The following TBC1D16 variants were observed in gnomAD, a reference collection of about 807,000 sequenced individuals.
The protein encoded by TBC1D16 is CTD-2529O21.1.
In TBC1D16, 58 loss-of-function variants were observed where a neutral mutation model predicts 74.7. The observed-to-expected ratio is 0.78, with a 90% confidence interval of 0.63 to 0.97. The LOEUF is 0.97. TBC1D16 is among the 50% of genes least tolerant of loss of function. TBC1D16 has a pLI of 0.00. For synonymous variants in TBC1D16, 493 were observed against 474.7 expected (o/e 1.04, Z -0.50); for missense variants, 1,014 against 1,079.5 (o/e 0.94, Z 0.85).
chr17:79,960,779 C>CAAAAAAAA lies in TBC1D16; in HGVS notation c.780-7969_780-7962dup, dbSNP rs746450905. On this transcript the variant is annotated intron_variant, in intron 3 of 11. Transcript: ENST00000310924. ...CAAAAAAACCCAAAAAACAAAAACCCAAAAAAAAAAAAAAAAAAAAAAAAA... is the reference window on the plus strand; with the variant it reads ...CAAAAAAACCCAAAAAACAAAAACCCAAAAAAAAAAAAAAAAAAAAAAAAAAAAAAAAA... Among the ~76,000 whole-genome samples, 272 of 33,922 alleles carry CAAAAAAAA rather than the reference C, an allele frequency of 8.0e-3. 51 individuals carry two copies. The highest frequency in any genetic ancestry group is 0.011 in the Non-Finnish European group (195 of 18,128). 22.3% of individuals were successfully genotyped at this position (33,922 alleles called of 152,430 possible).
At chr17:80,005,347 T>C (rs2035635274) in intron 3 of TBC1D16, among the ~76,000 whole-genome samples, 1 of 152,154 alleles carries the variant, frequency 6.6e-6, no homozygotes, top group African/African-American at 2.4e-5. Context: ...CGGGGCAGGG[T>C]CAGTGGACAC....
intron 1 of TBC1D16, among the ~76,000 whole-genome samples, chr17:80,025,094 C>CCAT (rs1568649840): frequency 0.89 from 66,285 of 74,888 alleles, 30,740 homozygotes; most frequent in Admixed American, 0.92. Flanking sequence ...ATGACACACA[C>CCAT]ACACCATATA....
Position 79,951,551 on chromosome 17 carries a change from T to C in TBC1D16, c.988A>G (p.Ser330Gly). The C allele has an allele frequency of 6.2e-7, 1 of 1,613,692 alleles. No individual in the cohort carries two copies. Among genetic ancestry groups the C allele is most frequent in the Non-Finnish European group, 8.5e-7 (1 of 1,179,888 alleles). The change falls in exon 5 of 12, where the codon AGC (serine) becomes GGC (glycine). Residue 330 changes from serine (S) to glycine (G), a missense_variant. Coordinates refer to ENST00000310924, the MANE Select transcript of TBC1D16 (RefSeq NM_019020.4). ...TGGAAGTGGAAAACCTTGTACTGGC[T>C]CTCTCGGCTGGCAACGACCAGCTGG... is the stretch of plus-strand genomic sequence containing the variant. ...SGQLVVASRESQYKVFHFHHG... is the reference protein window; with the variant it reads ...SGQLVVASREGQYKVFHFHHG...
At chr17:80,025,518 G>A (rs2036547112) in intron 1 of TBC1D16, among the ~76,000 whole-genome samples, 1 of 149,740 alleles carries the variant, frequency 6.7e-6, no homozygotes, top group Non-Finnish European at 1.5e-5. Flanking sequence ...CCCCCGGAGA[G>A]CCCTGGAGAG....
intron 1 of TBC1D16, among the ~76,000 whole-genome samples, chr17:80,015,085 A>G (rs184684857): frequency 1.5e-4 from 23 of 152,310 alleles, no homozygotes; most frequent in Admixed American, 1.4e-3. Flanking sequence ...ACACACATGG[A>G]GCTCACAAAC....
rs191867103 is a variant in TBC1D16 at position 79,972,262 on chromosome 17, C to T, written c.780-19444G>A. Among the ~76,000 whole-genome samples the T allele has an allele frequency of 5.9e-5, 9 of 152,272 alleles. No individual in the cohort carries two copies. In the South Asian group the frequency reaches 1.4e-3, roughly 25 times the overall value. On this transcript the variant is annotated intron_variant, in intron 3 of 11. Transcript: ENST00000310924. ...CTCAATCTTGGCTCACTGCAACCTCCGCCTCCCGGATTCAAGCGATTCTCC... is the reference window on the plus strand; with the variant it reads ...CTCAATCTTGGCTCACTGCAACCTCTGCCTCCCGGATTCAAGCGATTCTCC...
intron 5 of TBC1D16, among the ~76,000 whole-genome samples, chr17:79,951,210 T>C (rs1321213537): frequency 2.0e-5 from 3 of 152,234 alleles, no homozygotes; most frequent in Non-Finnish European, 4.4e-5. Flanking sequence ...GAGCAAAATA[T>C]GGCAGGAAGT....
At position 79,940,011 on chromosome 17, in the gene TBC1D16, A is replaced by G. The variant is rs1161626198; in HGVS notation, c.*848T>C. 4 of 152,136 alleles carry G rather than the reference A, an allele frequency of 2.6e-5. No individual in the cohort carries two copies. The highest frequency in any genetic ancestry group is 7.2e-5 in the African/African-American group (3 of 41,412). The allele number at this position is 152,136 out of a possible 1,614,324, so 9.4% of individuals were successfully genotyped here. A position where few individuals can be genotyped will look rare whatever the true frequency, so the allele number is the denominator to read the frequency against. On this transcript the variant is annotated 3_prime_UTR_variant, in exon 12 of 12. Transcript: ENST00000310924. The surrounding 1 kb of genome is among the most constrained non-coding windows in gnomAD (Gnocchi z 5.4). The stretch of plus-strand genomic sequence containing the variant: ...CATGCACGCAGGGACACACGCACAC[A>G]TCGACCCATTCAAGCCCCAGCTGGT...
At chr17:79,995,882 A>G (rs140728686) in intron 3 of TBC1D16, among the ~76,000 whole-genome samples, 133 of 152,354 alleles carry the variant, frequency 8.7e-4, no homozygotes, top group African/African-American at 3.0e-3. Flanking sequence ...GGCACAACTC[A>G]TAACCTGGAC....
At chr17:79,999,495 G>A (rs1194949459) in intron 3 of TBC1D16, among the ~76,000 whole-genome samples, 1 of 138,944 alleles carries the variant, frequency 7.2e-6, no homozygotes, top group East Asian at 2.3e-4. Flanking sequence ...AGGGATCAAA[G>A]ATCACAAATA....
chr17:79,951,376 C>T, intron 5 of TBC1D16, 74 bp downstream of exon 5: 1 of 1,558,650 alleles, frequency 6.4e-7, no homozygotes, highest in African/African-American at 1.4e-5. Flanking sequence ...ACACAGGACC[C>T]AGGAGGGAGA....
rs543506046 is a variant in TBC1D16, at chr17:79,981,732, G to C, written c.779+28428C>G. 6.6e-6 allele frequency among the ~76,000 whole-genome samples: 1 copy of C among 152,312 alleles called. No individual in the cohort carries two copies. The highest frequency in any genetic ancestry group is 1.9e-4 in the East Asian group (1 of 5,180). On this transcript the variant is annotated intron_variant, in intron 3 of 11. Transcript: ENST00000310924. This position sits in a 1 kb window ranked among gnomAD's most constrained non-coding sequence, Gnocchi z 6.9. The stretch of plus-strand genomic sequence containing the variant: ...GCGCCACCCTCGGAGCGGCTCCCTC[G>C]GCTCTTCTGTAATCTCAGCAAGAAC...
Position 79,971,366 on chromosome 17 carries a change from T to C in TBC1D16, c.780-18548A>G, listed in dbSNP as rs1035844564. Among the ~76,000 whole-genome samples, 11 of 152,178 alleles carry C rather than the reference T, an allele frequency of 7.2e-5. No homozygotes were observed. Among genetic ancestry groups the C allele is most frequent in the Non-Finnish European group, 1.2e-4 (8 of 68,026 alleles). On this transcript the variant is annotated intron_variant, in intron 3 of 11. Transcript: ENST00000310924. The surrounding 1 kb of genome is among the most constrained non-coding windows in gnomAD (Gnocchi z 4.6). Reference sequence around the variant, plus strand: ...TAAGTTGCTTAACATTTGCAAGTGGTAAATAAATTCACGTTGTGGTTAAAA... The same window carrying C: ...TAAGTTGCTTAACATTTGCAAGTGGCAAATAAATTCACGTTGTGGTTAAAA...
intron 3 of TBC1D16, among the ~76,000 whole-genome samples, chr17:79,969,463 T>TA (rs563407572): frequency 6.6e-6 from 1 of 151,980 alleles, no homozygotes; most frequent in Admixed American, 6.6e-5. Flanking sequence ...ATGGCTATAA[T>TA]AAAAAAATGG....
At chr17:79,952,847 C>T in intron 3 of TBC1D16, 29 bp from the exon 4 acceptor site, 1 of 1,581,592 alleles carries the variant, frequency 6.3e-7, no homozygotes. Flanking sequence ...TGATGATCGC[C>T]ACACTTCTCC....
chr17:79,942,348 C>G (rs1172296911), intron 10 of TBC1D16, 142 bp from the exon 11 acceptor site: 15 of 906,244 alleles, frequency 1.7e-5, no homozygotes, highest in Non-Finnish European at 2.4e-5. Context: ...GGCCGTGTGG[C>G]CCTGGGCAAG....
intron 3 of TBC1D16, among the ~76,000 whole-genome samples, chr17:79,964,548 G>A (rs1277222893): frequency 6.6e-6 from 1 of 152,154 alleles, no homozygotes; most frequent in Non-Finnish European, 1.5e-5. Context: ...TTCTGGGGGT[G>A]ATGGATCTGT....
Position 79,971,946 on chromosome 17 carries a change from C to T in TBC1D16, c.780-19128G>A, listed in dbSNP as rs956459486. Among the ~76,000 whole-genome samples the T allele has an allele frequency of 6.6e-6, 1 of 152,064 alleles. No individual in the cohort carries two copies. The highest frequency in any genetic ancestry group is 6.5e-5 in the Admixed American group (1 of 15,268). On this transcript the variant is annotated intron_variant, in intron 3 of 11. Coordinates refer to ENST00000310924, the MANE Select transcript of TBC1D16 (RefSeq NM_019020.4). This position sits in a 1 kb window ranked among gnomAD's most constrained non-coding sequence, Gnocchi z 4.6. The stretch of plus-strand genomic sequence containing the variant: ...AGGGACAAGGAAGGTCTGCGGAGGA[C>T]AGGTCGGAGTGCTCTGAAAACGGCC...
chr17:79,943,008 C>T (rs892013634), intron 10 of TBC1D16, among the ~76,000 whole-genome samples: 5 of 152,234 alleles, frequency 3.3e-5, no homozygotes, highest in Admixed American at 6.5e-5. Flanking sequence ...TTGATGCACA[C>T]GCGCTTCCGG....
Sources: gnomAD v4.1 joint callset for allele counts (sites outside exome capture counted in the v4.1 genomes callset) on GRCh38, gnomAD v4.1.1 for gene constraint, Gnocchi (gnomAD v3.1) non-coding constraint, MANE v1.5 for transcripts, NCBI Gene and HGNC (gene_info 2026-07-23, HGNC 2026-07-21) for gene names.